The following DPH6 variants were observed in gnomAD, a reference collection of about 807,000 sequenced individuals.
The protein encoded by DPH6 is diphthine--ammonia ligase.
DPH6 carries 33 observed loss-of-function variants against 38.2 expected under a neutral mutation model. The ratio of observed to expected loss-of-function variants is 0.86; its 90% CI spans 0.65 to 1.15. The LOEUF (loss-of-function observed/expected upper bound fraction) is 1.15, where lower values mean the gene tolerates loss of function less well. Ranked by LOEUF, DPH6 falls within the 50% of genes most tolerant of loss-of-function variation. The pLI is 0.00. For missense variants in DPH6, 325 were observed against 320.0 expected (o/e 1.02, Z -0.12); for synonymous variants, 108 against 103.0 (o/e 1.05, Z -0.30).
chr15:35,289,005 A>G (rs1253334865), intron 3 of DPH6, among the ~76,000 whole-genome samples: 3 of 152,162 alleles, frequency 2.0e-5, no homozygotes, highest in Admixed American at 1.3e-4. Context: ...TTTTGGGGGT[A>G]AAATGAAAAG....
chr15:35,331,825 G>C (rs948752431), intron 3 of DPH6, among the ~76,000 whole-genome samples: 1 of 152,134 alleles, frequency 6.6e-6, no homozygotes, highest in African/African-American at 2.4e-5. Context: ...CATTATTGAG[G>C]GTTCCTGCAG....
intron 3 of DPH6, among the ~76,000 whole-genome samples, chr15:35,289,398 T>C (rs1388504274): frequency 6.6e-6 from 1 of 152,230 alleles, no homozygotes; most frequent in African/African-American, 2.4e-5. Flanking sequence ...ATGCTGTTAG[T>C]GGCCCAAATG....
At chr15:35,500,243 A>T (rs936244482) in intron 3 of DPH6, among the ~76,000 whole-genome samples, 2 of 152,198 alleles carry the variant, frequency 1.3e-5, no homozygotes, top group Non-Finnish European at 2.9e-5. Flanking sequence ...TCCTTTGATC[A>T]GAAGCTTCCT....
the DPH6 span, among the ~76,000 whole-genome samples, chr15:35,183,423 T>A: frequency 3.9e-5 from 6 of 152,220 alleles, no homozygotes; most frequent in Admixed American, 2.6e-4. Flanking sequence ...TGATTTTTGA[T>A]GTTTCTTTAC....
intron 3 of DPH6, among the ~76,000 whole-genome samples, chr15:35,347,325 T>G (rs757460846): frequency 2.6e-4 from 40 of 152,106 alleles, no homozygotes; most frequent in African/African-American, 9.2e-4. Context: ...ATTGCCTGTT[T>G]GTTTGTTTGT....
At chr15:35,185,724 CTTTTTTTTTT>C in the DPH6 span, among the ~76,000 whole-genome samples, 5,062 of 83,346 alleles carry the variant, frequency 0.061, 320 homozygotes, top group East Asian at 0.36. Flanking sequence ...CCAATCCACT[CTTTTTTTTTT>C]TTTTTTTTTT....
At chr15:35,311,367 T>C (rs1414467016) in intron 3 of DPH6, among the ~76,000 whole-genome samples, 2 of 152,234 alleles carry the variant, frequency 1.3e-5, no homozygotes, top group East Asian at 1.9e-4. Context: ...CAAGTGGTTA[T>C]ACAGTACCAT....
intron 3 of DPH6, among the ~76,000 whole-genome samples, chr15:35,280,814 A>G (rs747280731): frequency 6.6e-6 from 1 of 152,208 alleles, no homozygotes; most frequent in Non-Finnish European, 1.5e-5. Context: ...ACAAAGAATC[A>G]GTTTTCAAAA....
chr15:35,358,429 T>C (rs2052586573), intron 3 of DPH6, among the ~76,000 whole-genome samples: 2 of 152,180 alleles, frequency 1.3e-5, no homozygotes, highest in South Asian at 2.1e-4. Flanking sequence ...GTTAAACTAG[T>C]ATGATTTTTT....
chr15:35,295,758 G>A lies in DPH6; in HGVS notation n.201-75176C>T, dbSNP rs183369242. On this transcript the variant is annotated intron_variant and non_coding_transcript_variant, in intron 3 of 3. Coordinates refer to the DPH6 transcript ENST00000560386. The stretch of plus-strand genomic sequence containing the variant: ...AAATCAATTTAATGAGTTATAACCC[G>A]TTTTTTTCCTTTTAAGTAACATAGA... 3.4e-4 allele frequency among the ~76,000 whole-genome samples: 52 copies of A among 151,890 alleles called. No homozygotes were observed. The East Asian group carries it at 8.9e-3, about 26-fold the overall frequency.
intron 3 of DPH6, among the ~76,000 whole-genome samples, chr15:35,510,475 G>A (rs1003494591): frequency 6.6e-6 from 1 of 152,188 alleles, no homozygotes; most frequent in Non-Finnish European, 1.5e-5. Flanking sequence ...TCCTGCATAT[G>A]TATCAGGTAA....
chr15:35,388,524 T>C (rs1460846371), intron 6 of DPH6, among the ~76,000 whole-genome samples: 3 of 152,194 alleles, frequency 2.0e-5, no homozygotes, highest in Middle Eastern at 3.2e-3. Flanking sequence ...TCAGAGCCTG[T>C]TATTGGTCTA....
At chr15:35,272,850 T>C (rs1184415897) in intron 3 of DPH6, among the ~76,000 whole-genome samples, 5 of 151,138 alleles carry the variant, frequency 3.3e-5, no homozygotes, top group Non-Finnish European at 7.4e-5. Flanking sequence ...GAGGTTGCAG[T>C]GAGCCGAGAT....
chr15:35,540,356 G>T (rs2055234550), intron 2 of DPH6, among the ~76,000 whole-genome samples: 1 of 151,956 alleles, frequency 6.6e-6, no homozygotes, highest in Non-Finnish European at 1.5e-5. Flanking sequence ...CTCATTGATG[G>T]GAATAAATTC....
intron 3 of DPH6, among the ~76,000 whole-genome samples, chr15:35,529,240 T>C (rs1022244751): frequency 6.6e-6 from 1 of 152,168 alleles, no homozygotes; most frequent in South Asian, 2.1e-4. Flanking sequence ...CTTCTGCTTC[T>C]AGGGAGGCCT....
chr15:35,351,720 C>CTT (rs758678929), intron 3 of DPH6, among the ~76,000 whole-genome samples: 27 of 136,420 alleles, frequency 2.0e-4, no homozygotes, highest in Non-Finnish European at 2.6e-4. Context: ...TGTCAGACTT[C>CTT]TTTTTTTTTT....
In DPH6 at chr15:35,371,573, C is replaced by A. The variant is rs919673453; in HGVS notation, c.*577G>T. 2 of 979,512 alleles carry A rather than the reference C, an allele frequency of 2.0e-6. No individual in the cohort carries two copies. The highest frequency in any genetic ancestry group is 2.4e-6 in the Non-Finnish European group (2 of 824,860). 60.7% of individuals were successfully genotyped at this position (979,512 alleles called of 1,614,324 possible). A position where few individuals can be genotyped will look rare whatever the true frequency, so the allele number is the denominator to read the frequency against. ...TTTTCTAAGGTCAACATAGTTAATACTGAAAAACAGCATTTTAAAAATCAG... is the reference window on the plus strand; with the variant it reads ...TTTTCTAAGGTCAACATAGTTAATAATGAAAAACAGCATTTTAAAAATCAG... On this transcript the variant is annotated 3_prime_UTR_variant, in exon 9 of 9. Coordinates refer to ENST00000256538, the MANE Select transcript of DPH6 (RefSeq NM_080650.4).
chr15:35,467,859 A>G (rs182985961), intron 3 of DPH6, among the ~76,000 whole-genome samples: 3 of 152,288 alleles, frequency 2.0e-5, no homozygotes, highest in African/African-American at 7.2e-5. Flanking sequence ...TGTTTACACC[A>G]GTATCACCAC....
At chr15:35,480,307 A>AATAT (rs1216906031) in intron 3 of DPH6, among the ~76,000 whole-genome samples, 2 of 152,160 alleles carry the variant, frequency 1.3e-5, no homozygotes, top group Non-Finnish European at 2.9e-5. Context: ...AAATATTTAT[A>AATAT]AAACAGTTGC....
Sources: allele counts gnomAD v4.1 joint callset (sites outside exome capture counted in the v4.1 genomes callset), GRCh38; gene constraint gnomAD v4.1.1; transcripts MANE v1.5; gene names NCBI Gene and HGNC (gene_info 2026-07-23, HGNC 2026-07-21).